The following WDR70 variants were observed in gnomAD, a reference collection of about 807,000 sequenced individuals.
The protein encoded by WDR70 is WD repeat-containing protein 70.
Under a neutral mutation model 88.6 loss-of-function variants are expected in WDR70, and 53 were observed. The ratio of observed to expected loss-of-function variants is 0.60; its 90% CI spans 0.48 to 0.75. WDR70 has a LOEUF of 0.75. Ranked by LOEUF, WDR70 falls within the 30% of genes least tolerant of loss-of-function variation. The pLI, the probability that WDR70 is intolerant of heterozygous loss-of-function variation, is 0.00. For synonymous variants in WDR70, 280 were observed against 270.0 expected (o/e 1.04, Z -0.36); for missense variants, 610 against 823.2 (o/e 0.74, Z 3.17).
chr5:37,432,927 C>G (rs1432840387), intron 5 of WDR70, among the ~76,000 whole-genome samples: 1 of 152,124 alleles, frequency 6.6e-6, no homozygotes, highest in African/African-American at 2.4e-5. Context: ...AATTAAAAAA[C>G]ATATATAATC....
chr5:37,597,264 A>G (rs1743731359), intron 9 of WDR70, among the ~76,000 whole-genome samples: 1 of 152,192 alleles, frequency 6.6e-6, no homozygotes, highest in South Asian at 2.1e-4. Flanking sequence ...TTAACTTTAT[A>G]AGAAACTGTT....
In WDR70 at chr5:37,562,644, T is replaced by C. The variant is rs1370482293; in HGVS notation, c.918-42420T>C. ...GGTACTTGAGATTAGGGAGTGGTGA[T>C]GACTCTTAACGAGCATGCTGCCTTC... On this transcript the variant is annotated intron_variant, in intron 9 of 17. Coordinates refer to ENST00000265107, the MANE Select transcript of WDR70 (RefSeq NM_018034.4). Among the ~76,000 whole-genome samples the C allele has an allele frequency of 3.9e-5, 6 of 152,116 alleles. No homozygotes were observed. The South Asian group carries it at 8.3e-4, about 21-fold the overall frequency.
chr5:37,414,794 T>C lies in WDR70; in HGVS notation c.492+18224T>C, dbSNP rs1052344781. Reference sequence around the variant, plus strand: ...CTAGTCACAATTATTCTTTTTTTTTTTATTTTTATTGATCATTCTTGGGTG... The same window carrying C: ...CTAGTCACAATTATTCTTTTTTTTTCTATTTTTATTGATCATTCTTGGGTG... On this transcript the variant is annotated intron_variant, in intron 5 of 17. Transcript: ENST00000265107. Among the ~76,000 whole-genome samples, 5 of 152,138 alleles carry C rather than the reference T, an allele frequency of 3.3e-5. No homozygotes were observed. The South Asian group carries it at 1.0e-3, about 32-fold the overall frequency.
Position 37,437,923 on chromosome 5 carries a change from A to T in WDR70, c.494A>T (p.Asn165Ile). 1.2e-6 allele frequency: 2 copies of T among 1,606,624 alleles called. No individual in the cohort carries two copies. Among genetic ancestry groups the T allele is most frequent in the Non-Finnish European group, 1.7e-6 (2 of 1,176,222 alleles). ...TGTCATGGGGTTTTCTTGTTTCAGAATCCTGTTCACAAGATTCCTGACTCG... is the reference window on the plus strand; with the variant it reads ...TGTCATGGGGTTTTCTTGTTTCAGATTCCTGTTCACAAGATTCCTGACTCG... Reference protein sequence around the residue: ...EEEEEEEEEENPVHKIPDSHE... With the variant: ...EEEEEEEEEEIPVHKIPDSHE... Residue 165 changes from asparagine to isoleucine, a missense_variant and splice_region_variant, in exon 6 of 18, where the codon AAT (asparagine) becomes ATT (isoleucine). Physicochemically the swap from Asn to Ile is moderately radical, Grantham distance 149. Transcript: ENST00000265107.
intron 7 of WDR70, among the ~76,000 whole-genome samples, chr5:37,476,972 C>T (rs1185586618): frequency 6.6e-6 from 1 of 152,176 alleles, no homozygotes; most frequent in Non-Finnish European, 1.5e-5. Flanking sequence ...TATTTTTTAT[C>T]TGCATGTGGT....
chr5:37,651,139 T>C (rs979422805), intron 10 of WDR70, among the ~76,000 whole-genome samples: 1 of 151,820 alleles, frequency 6.6e-6, no homozygotes, highest in Non-Finnish European at 1.5e-5. Flanking sequence ...CAAGCCCCAG[T>C]GTATGATGTT....
intron 10 of WDR70, among the ~76,000 whole-genome samples, chr5:37,629,778 A>G (rs987641403): frequency 5.3e-5 from 8 of 152,116 alleles, no homozygotes; most frequent in African/African-American, 1.9e-4. Context: ...CATTGCATGT[A>G]TTATGATTGT....
intron 17 of WDR70, among the ~76,000 whole-genome samples, chr5:37,742,147 T>C (rs571443687): frequency 6.6e-6 from 1 of 152,244 alleles, no homozygotes; most frequent in African/African-American, 2.4e-5. Context: ...ATTTTTAATT[T>C]TTTGAGGAAC....
chr5:37,616,779 A>G (rs574868934), intron 10 of WDR70, among the ~76,000 whole-genome samples: 17 of 152,348 alleles, frequency 1.1e-4, no homozygotes, highest in African/African-American at 4.1e-4. Flanking sequence ...GATGAGCATG[A>G]CATATTAATA....
chr5:37,484,269 A>G (rs1368576014), intron 8 of WDR70, among the ~76,000 whole-genome samples: 1 of 152,204 alleles, frequency 6.6e-6, no homozygotes, highest in East Asian at 1.9e-4. Context: ...GGCAACATTG[A>G]GCACTGAGTG....
intron 8 of WDR70, among the ~76,000 whole-genome samples, chr5:37,499,865 C>T (rs1428044225): frequency 6.6e-6 from 1 of 152,014 alleles, no homozygotes. Flanking sequence ...TGTTCATTCA[C>T]CTTGTAAAGC....
intron 10 of WDR70, among the ~76,000 whole-genome samples, chr5:37,675,919 G>GT (rs1746190396): frequency 6.6e-6 from 1 of 152,060 alleles, no homozygotes; most frequent in Non-Finnish European, 1.5e-5. Flanking sequence ...TGGAGCAGTG[G>GT]TTTGTAGTTC....
At chr5:37,453,869 C>T (rs1053695498) in intron 7 of WDR70, among the ~76,000 whole-genome samples, 1 of 152,110 alleles carries the variant, frequency 6.6e-6, no homozygotes, top group African/African-American at 2.4e-5. Context: ...GAGACCTTTC[C>T]TCACCATACT....
At chr5:37,550,939 A>G (rs1175754150) in intron 9 of WDR70, among the ~76,000 whole-genome samples, 15 of 152,062 alleles carry the variant, frequency 9.9e-5, no homozygotes, top group Admixed American at 9.8e-4. Context: ...ACTATCTTGT[A>G]ACCCATTATT....
intron 8 of WDR70, among the ~76,000 whole-genome samples, chr5:37,515,774 C>G (rs530548952): frequency 2.0e-5 from 3 of 152,106 alleles, no homozygotes; most frequent in African/African-American, 4.8e-5. Flanking sequence ...CTTTTCTATC[C>G]CACGTAAATC....
chr5:37,731,594 G>A (rs570326827), intron 17 of WDR70, among the ~76,000 whole-genome samples: 2 of 151,858 alleles, frequency 1.3e-5, no homozygotes, highest in African/African-American at 4.8e-5. Flanking sequence ...TTATTATTAG[G>A]GATTTTTTTT....
chr5:37,641,117 C>CT (rs374338511), intron 10 of WDR70, among the ~76,000 whole-genome samples: 1 of 152,156 alleles, frequency 6.6e-6, no homozygotes, highest in Admixed American at 6.5e-5. Flanking sequence ...TCACAGCATG[C>CT]TTTTTTCCCC....
chr5:37,525,194 T>C (rs549237017), intron 9 of WDR70, among the ~76,000 whole-genome samples: 3 of 152,122 alleles, frequency 2.0e-5, no homozygotes, highest in Non-Finnish European at 2.9e-5. Context: ...CAGCACCACA[T>C]TGCACTTATT....
At chr5:37,691,096 T>A (rs908666385) in intron 10 of WDR70, among the ~76,000 whole-genome samples, 4 of 152,158 alleles carry the variant, frequency 2.6e-5, no homozygotes, top group African/African-American at 4.8e-5. Context: ...TAAAACAGAC[T>A]TTAAACCAGC....
Sources: gnomAD v4.1 joint callset for allele counts (sites outside exome capture counted in the v4.1 genomes callset) on GRCh38, gnomAD v4.1.1 for gene constraint, MANE v1.5 for transcripts, NCBI Gene and HGNC (gene_info 2026-07-23, HGNC 2026-07-21) for gene names.